The following DISC1 variants were observed in gnomAD, a reference collection of about 807,000 sequenced individuals.
The protein encoded by DISC1 is DISC1 scaffold protein.
A neutral mutation model predicts 84.5 loss-of-function variants in DISC1; 57 were observed. That is an observed-to-expected ratio of 0.67 (90% confidence interval 0.55 to 0.84). The LOEUF (loss-of-function observed/expected upper bound fraction) is 0.84. Among genes scored for constraint, DISC1 ranks in the 40% least tolerant of loss-of-function variants. The probability of loss-of-function intolerance (pLI) is 0.00; values close to 1 mark genes in which losing one functional copy is unlikely to be tolerated. For missense variants in DISC1, 1,000 were observed against 1,057.8 expected (o/e 0.95, Z 0.76); for synonymous variants, 411 against 415.2 (o/e 0.99, Z 0.12).
At chr1:231,739,235 C>T (rs1402162073) in intron 3 of DISC1, among the ~76,000 whole-genome samples, 1 of 152,214 alleles carries the variant, frequency 6.6e-6, no homozygotes, top group Non-Finnish European at 1.5e-5. Flanking sequence ...CAGTGCAAGT[C>T]ATTAGAATCT....
intron 10 of DISC1, among the ~76,000 whole-genome samples, chr1:231,979,697 A>T (rs559535413): frequency 5.2e-4 from 79 of 151,074 alleles, no homozygotes; most frequent in African/African-American, 1.7e-3. Context: ...TATATATATA[A>T]AATATACTAA....
intron 9 of DISC1, among the ~76,000 whole-genome samples, chr1:231,832,394 A>G (rs200938501): frequency 0.31 from 46,517 of 148,630 alleles, 7,058 homozygotes; most frequent in East Asian, 0.37. Flanking sequence ...TTCTGACCTC[A>G]CTAACCATGC....
At chr1:231,835,453 G>T (rs954491729) in intron 9 of DISC1, among the ~76,000 whole-genome samples, 27 of 152,188 alleles carry the variant, frequency 1.8e-4, no homozygotes, top group Admixed American at 7.9e-4. Context: ...AAGGTGCTCA[G>T]TAGGGGAGCT....
chr1:231,762,215 CTTCTTTTCTT>C (rs71179792), intron 4 of DISC1, among the ~76,000 whole-genome samples: 1,819 of 79,978 alleles, frequency 0.023, 51 homozygotes, highest in African/African-American at 0.078. Flanking sequence ...TTTCTTTTCT[CTTCTTTTCTT>C]TTCTTTTCTT....
chr1:231,890,239 A>C (rs1375029184), intron 9 of DISC1, among the ~76,000 whole-genome samples: 1 of 152,150 alleles, frequency 6.6e-6, no homozygotes, highest in African/African-American at 2.4e-5. Context: ...TGTGCCTTCT[A>C]TGGCTCTGAT....
At chr1:231,910,023 T>A (rs1309845645) in intron 9 of DISC1, among the ~76,000 whole-genome samples, 1 of 152,222 alleles carries the variant, frequency 6.6e-6, no homozygotes, top group Admixed American at 6.5e-5. Flanking sequence ...GGTGGTGATA[T>A]CCCCTTTATC....
chr1:231,945,092 C>G (rs1656891999), intron 9 of DISC1: 1 of 152,120 alleles, frequency 6.6e-6, no homozygotes, highest in Non-Finnish European at 1.5e-5. Flanking sequence ...ACTAAGCGGA[C>G]CTAATAGACA....
intron 9 of DISC1, among the ~76,000 whole-genome samples, chr1:231,935,064 A>G (rs755952587): frequency 6.6e-6 from 1 of 152,214 alleles, no homozygotes; most frequent in Admixed American, 6.5e-5. Flanking sequence ...ACAACGAAGG[A>G]TTGTGTTAAA....
chr1:231,759,546 A>AAAAAAC (rs1558492788), intron 4 of DISC1, among the ~76,000 whole-genome samples: 24 of 143,196 alleles, frequency 1.7e-4, no homozygotes, highest in African/African-American at 6.7e-4. Context: ...AAAAAAAAAA[A>AAAAAAC]AAAAACAAAA....
intron 12 of DISC1, among the ~76,000 whole-genome samples, chr1:232,035,387 G>A (rs959481914): frequency 1.3e-5 from 2 of 152,240 alleles, no homozygotes; most frequent in African/African-American, 4.8e-5. Flanking sequence ...GGAGGTTGCA[G>A]TGAGCCGAGA....
At chr1:231,768,090 G>C (rs151134540) in intron 5 of DISC1, among the ~76,000 whole-genome samples, 422 of 152,272 alleles carry the variant, frequency 2.8e-3, no homozygotes, top group African/African-American at 9.6e-3. Flanking sequence ...TACAAATCTG[G>C]GTGCAGCACT....
intron 3 of DISC1, chr1:231,702,305 G>T: frequency 8.8e-7 from 1 of 1,138,076 alleles, no homozygotes; most frequent in East Asian, 6.7e-5. Flanking sequence ...CCACCTGTCT[G>T]CCCATGGTGT....
intron 1 of DISC1, among the ~76,000 whole-genome samples, chr1:231,643,743 G>A (rs1417758945): frequency 6.6e-6 from 1 of 152,204 alleles, no homozygotes; most frequent in Non-Finnish European, 1.5e-5. Context: ...GGCCTATTGT[G>A]AGGATCATGT....
chr1:231,986,219 C>G (rs1246720348), intron 10 of DISC1, among the ~76,000 whole-genome samples: 5 of 152,168 alleles, frequency 3.3e-5, no homozygotes, highest in Non-Finnish European at 4.4e-5. Context: ...CTCCCTGTCC[C>G]CAGCTTCTCC....
At chr1:232,011,855 C>T (rs913558855) in intron 11 of DISC1, among the ~76,000 whole-genome samples, 2 of 152,106 alleles carry the variant, frequency 1.3e-5, no homozygotes, top group East Asian at 3.9e-4. Context: ...TGTCTCAGGG[C>T]TATCAAAACG....
At chr1:231,959,162 T>A in intron 10 of DISC1, 1 of 1,105,796 alleles carries the variant, frequency 9.0e-7, no homozygotes, top group Non-Finnish European at 1.1e-6. Flanking sequence ...TCTTCTTTAC[T>A]ATATTAAATT....
At chr1:231,690,015 C>G (rs1037473814) in intron 1 of DISC1, among the ~76,000 whole-genome samples, 45 of 152,262 alleles carry the variant, frequency 3.0e-4, no homozygotes, top group African/African-American at 9.9e-4. Flanking sequence ...GGAGGGCTGA[C>G]AGGATTCTTG....
intron 1 of DISC1, among the ~76,000 whole-genome samples, chr1:231,673,209 CT>C (rs1189620114): frequency 6.6e-6 from 1 of 152,208 alleles, no homozygotes; most frequent in Admixed American, 6.5e-5. Context: ...AGTTTTAGTG[CT>C]TTATTACTTC....
At chr1:231,654,566 T>C (rs1340165905) in intron 1 of DISC1, among the ~76,000 whole-genome samples, 1 of 152,192 alleles carries the variant, frequency 6.6e-6, no homozygotes, top group African/African-American at 2.4e-5. Context: ...TAAGAACTTA[T>C]TCCTTCTGTC....
Sources: allele counts gnomAD v4.1 joint callset (sites outside exome capture counted in the v4.1 genomes callset), GRCh38; gene constraint gnomAD v4.1.1; transcripts MANE v1.5; gene names NCBI Gene and HGNC (gene_info 2026-07-23, HGNC 2026-07-21).